NBEA: variants seen among roughly 807,000 people sequenced by gnomAD.
NBEA encodes the protein lysosomal-trafficking regulator 2.
A neutral mutation model predicts 343.4 loss-of-function variants in NBEA; 44 were observed. That is an observed-to-expected ratio of 0.13 (90% confidence interval 0.10 to 0.16). The LOEUF is 0.16. NBEA is among the 10% of genes least tolerant of loss of function. The pLI is 1.00. For missense variants in NBEA, 2,555 were observed against 3,631.3 expected (o/e 0.70, Z 7.62); for synonymous variants, 1,175 against 1,238.7 (o/e 0.95, Z 1.08).
In NBEA at chr13:35,671,905, A is replaced by G. The variant is rs1216407960; in HGVS notation, c.*914A>G. 1 of 152,452 alleles carries G rather than the reference A, an allele frequency of 6.6e-6. No homozygotes were observed. The highest frequency in any genetic ancestry group is 1.5e-5 in the Non-Finnish European group (1 of 68,038). 9.4% of individuals were successfully genotyped at this position (152,452 alleles called of 1,614,324 possible). ...TTCCCAGCACCTGGACATCTCTTCC[A>G]GAGTTATCCCACTGGCTTGGTGTGT... On this transcript the variant is annotated 3_prime_UTR_variant, in exon 59 of 59. Transcript: ENST00000379939.
At chr13:34,988,767 C>A (rs1414448538) in intron 1 of NBEA, among the ~76,000 whole-genome samples, 1 of 151,102 alleles carries the variant, frequency 6.6e-6, no homozygotes, top group African/African-American at 2.4e-5. Context: ...GTTGCACAAT[C>A]TGTCTTGTTT....
At chr13:35,026,544 T>C (rs781583406) in intron 1 of NBEA, among the ~76,000 whole-genome samples, 31 of 152,284 alleles carry the variant, frequency 2.0e-4, no homozygotes, top group Middle Eastern at 3.4e-3. Context: ...CATGAAGATG[T>C]ATTTTATTGG....
intron 45 of NBEA, 100 bp downstream of exon 45, chr13:35,567,117 T>C (rs369213931): frequency 1.8e-5 from 10 of 566,148 alleles, no homozygotes; most frequent in East Asian, 5.8e-5. Flanking sequence ...TGTAAGAAGG[T>C]GAAACTGATT....
At chr13:34,943,396 C>T (rs2059092844) in intron 1 of NBEA, among the ~76,000 whole-genome samples, 1 of 151,976 alleles carries the variant, frequency 6.6e-6, no homozygotes, top group African/African-American at 2.4e-5. Flanking sequence ...AACCCAGTAC[C>T]CGCGGTGAAG....
At chr13:35,620,455 G>A (rs2082932191) in intron 48 of NBEA, among the ~76,000 whole-genome samples, 1 of 152,166 alleles carries the variant, frequency 6.6e-6, no homozygotes, top group Admixed American at 6.5e-5. Context: ...GGTTGGCAAG[G>A]AGGCCAGTGG....
intron 34 of NBEA, among the ~76,000 whole-genome samples, chr13:35,284,138 T>G (rs2035261039): frequency 6.6e-6 from 1 of 152,176 alleles, no homozygotes; most frequent in Admixed American, 6.6e-5. Context: ...AGTTCAGTGG[T>G]TGTGACAGAA....
chr13:35,665,772 G>A (rs2085322006), intron 56 of NBEA, among the ~76,000 whole-genome samples: 5 of 152,026 alleles, frequency 3.3e-5, no homozygotes, highest in Admixed American at 2.6e-4. Context: ...GATTACAGGC[G>A]CCCGCAACCA....
At chr13:35,225,740 G>A (rs1008879210) in intron 33 of NBEA, among the ~76,000 whole-genome samples, 1 of 152,036 alleles carries the variant, frequency 6.6e-6, no homozygotes, top group Non-Finnish European at 1.5e-5. Flanking sequence ...GCTGCTTCCT[G>A]TTCTCTGCCT....
intron 1 of NBEA, among the ~76,000 whole-genome samples, chr13:34,947,555 G>T (rs894895215): frequency 2.6e-5 from 4 of 151,584 alleles, no homozygotes; most frequent in African/African-American, 7.3e-5. Flanking sequence ...TCCATTTCTT[G>T]TCTTTATACA....
chr13:34,981,570 G>A (rs1236029261), intron 1 of NBEA, among the ~76,000 whole-genome samples: 3 of 152,046 alleles, frequency 2.0e-5, no homozygotes, highest in Non-Finnish European at 4.4e-5. Context: ...GCGTATTGCT[G>A]GATTTGGTTT....
chr13:35,048,567 T>C lies in NBEA; in HGVS notation c.728T>C (p.Ile243Thr). Reference sequence around the variant, plus strand: ...CCTTTTCTCATTGCCTTGTAGGCAATTGCCTTGCCTCCTATTGCAAAGTGG... The same window carrying C: ...CCTTTTCTCATTGCCTTGTAGGCAACTGCCTTGCCTCCTATTGCAAAGTGG... ...FNFPGCSAAAIALPPIAKWPY... is the reference protein window; with the variant it reads ...FNFPGCSAAATALPPIAKWPY... Residue 243 changes from isoleucine to threonine, a missense_variant, in exon 5 of 59, where the codon ATT becomes ACT. Around this residue, in one of 21 missense-constraint regions of NBEA, gnomAD observed 185 missense variants for 290.6 expected, o/e 0.64. Transcript: ENST00000379939. The C allele has an allele frequency of 6.2e-7, 1 of 1,607,732 alleles. No individual in the cohort carries two copies. Among genetic ancestry groups the C allele is most frequent in the Non-Finnish European group, 8.5e-7 (1 of 1,176,332 alleles).
intron 48 of NBEA, among the ~76,000 whole-genome samples, chr13:35,626,097 A>T (rs1445017191): frequency 6.6e-6 from 1 of 152,218 alleles, no homozygotes; most frequent in African/African-American, 2.4e-5. Flanking sequence ...TGGGCTAGTC[A>T]CACAGTGACA....
intron 6 of NBEA, among the ~76,000 whole-genome samples, chr13:35,051,044 A>G (rs1439463758): frequency 5.9e-5 from 9 of 152,040 alleles, no homozygotes; most frequent in Admixed American, 1.3e-4. Flanking sequence ...TAATTCATTC[A>G]TAATCAGGTG....
Position 35,628,264 on chromosome 13 carries a change from C to T in NBEA, c.7617+16C>T. ...GCTCAGGGAGGTAGGTGTTAAATCC[C>T]ATATTATTCCAAAAATTTCTGTCAT... On this transcript the variant is annotated intron_variant, in intron 49 of 58. Transcript: ENST00000379939. The T allele has an allele frequency of 6.6e-7, 1 of 1,522,370 alleles. No homozygotes were observed. Among genetic ancestry groups the T allele is most frequent in the Non-Finnish European group, 8.8e-7 (1 of 1,132,560 alleles). The allele number at this position is 1,522,370 out of a possible 1,614,324, so 94.3% of individuals were successfully genotyped here. A position where few individuals can be genotyped will look rare whatever the true frequency, so the allele number is the denominator to read the frequency against.
chr13:35,364,767 C>CT (rs1271463329), intron 38 of NBEA, among the ~76,000 whole-genome samples: 2 of 151,746 alleles, frequency 1.3e-5, no homozygotes, highest in Non-Finnish European at 3.0e-5. Context: ...GTGAAATGGC[C>CT]TGTGAGGCTG....
chr13:35,323,019 T>C (rs1296524761), intron 36 of NBEA, among the ~76,000 whole-genome samples: 1 of 152,008 alleles, frequency 6.6e-6, no homozygotes, highest in African/African-American at 2.4e-5. Flanking sequence ...CCAGCTGCAT[T>C]TTGTATTTTT....
intron 1 of NBEA, among the ~76,000 whole-genome samples, chr13:34,980,114 AT>A (rs1218278527): frequency 1.3e-5 from 2 of 152,038 alleles, no homozygotes; most frequent in Non-Finnish European, 2.9e-5. Flanking sequence ...TTTTATGTAA[AT>A]TTTGAAATCA....
At chr13:35,107,383 A>G (rs1187670692) in intron 11 of NBEA, among the ~76,000 whole-genome samples, 2 of 151,836 alleles carry the variant, frequency 1.3e-5, no homozygotes, top group African/African-American at 2.4e-5. Flanking sequence ...TTTGTAGGCT[A>G]TTGCTTATGT....
At chr13:35,146,202 C>CT (rs2068411151) in intron 18 of NBEA, among the ~76,000 whole-genome samples, 1 of 152,096 alleles carries the variant, frequency 6.6e-6, no homozygotes, top group African/African-American at 2.4e-5. Context: ...GTGACTCCAA[C>CT]TGTGGCCAGG....
Sources: allele counts gnomAD v4.1 joint callset (sites outside exome capture counted in the v4.1 genomes callset), GRCh38; gene constraint gnomAD v4.1.1; regional missense constraint gnomAD v4.1.1; transcripts MANE v1.5; gene names NCBI Gene and HGNC (gene_info 2026-07-23, HGNC 2026-07-21).